The following LARGE1 variants were observed in gnomAD, a reference collection of about 807,000 sequenced individuals.
LARGE1 encodes the protein LARGE xylosyl- and glucuronyltransferase 1.
Under a neutral mutation model 87.6 loss-of-function variants are expected in LARGE1, and 43 were observed. The ratio of observed to expected loss-of-function variants is 0.49; its 90% CI spans 0.38 to 0.63. The LOEUF (loss-of-function observed/expected upper bound fraction) is 0.63. LARGE1 is among the 30% of genes least tolerant of loss of function. The pLI is 0.00. For missense variants in LARGE1, 802 were observed against 1,000.2 expected, an observed-to-expected ratio of 0.80 and a Z score of 2.67; for synonymous variants, 434 against 394.6, an observed-to-expected ratio of 1.10 and a Z score of -1.18.
chr22:33,922,169 G>T (rs1166334061), upstream of LARGE1, among the ~76,000 whole-genome samples: 1 of 151,702 alleles, frequency 6.6e-6, no homozygotes, highest in Non-Finnish European at 1.5e-5. Flanking sequence ...GCCCACCCTA[G>T]TTCTTGGAAG....
chr22:33,099,378 C>T, the LARGE1 span, among the ~76,000 whole-genome samples: 3 of 148,480 alleles, frequency 2.0e-5, no homozygotes, highest in Admixed American at 2.0e-4. Flanking sequence ...CTCAGCCTCC[C>T]AAGTAGCTGG....
At chr22:33,455,733 G>A (rs1381097916) in intron 6 of LARGE1, among the ~76,000 whole-genome samples, 8 of 128,230 alleles carry the variant, frequency 6.2e-5, no homozygotes, top group Admixed American at 4.7e-4. Flanking sequence ...CAGCCTAGGC[G>A]ACTGAGTGAA....
chr22:33,218,268 T>C (rs142968169), intron 11 of LARGE1, among the ~76,000 whole-genome samples: 1 of 152,334 alleles, frequency 6.6e-6, no homozygotes, highest in African/African-American at 2.4e-5. Context: ...ACTTCATTTT[T>C]CTGACATTTA....
chr22:33,774,100 GA>G (rs924837686), intron 1 of LARGE1, among the ~76,000 whole-genome samples: 33 of 151,736 alleles, frequency 2.2e-4, no homozygotes, highest in Non-Finnish European at 1.0e-4. Flanking sequence ...GGGGCGGATG[GA>G]AAAAAACTCC....
At chr22:33,721,977 C>T (rs1229679537) in intron 2 of LARGE1, among the ~76,000 whole-genome samples, 1 of 152,152 alleles carries the variant, frequency 6.6e-6, no homozygotes, top group East Asian at 1.9e-4. Flanking sequence ...GTTGGCTGAG[C>T]GCAGTGGCTC....
In LARGE1 at chr22:33,284,881, A is replaced by T. The variant is rs1478131921; in HGVS notation, c.1731-1533T>A. ...TGCACCACTGCGCCCGGCCAGCATGAGGCTTTTAATAAACACAGACTGGAT... is the reference window on the plus strand; with the variant it reads ...TGCACCACTGCGCCCGGCCAGCATGTGGCTTTTAATAAACACAGACTGGAT... On this transcript the variant is annotated intron_variant, in intron 12 of 14. Transcript: ENST00000397394. Among the ~76,000 whole-genome samples, 5 of 152,146 alleles carry T rather than the reference A, an allele frequency of 3.3e-5. No individual in the cohort carries two copies. The East Asian group carries it at 5.8e-4, about 18-fold the overall frequency.
At chr22:33,844,698 T>C (rs2063379551) in intron 1 of LARGE1, among the ~76,000 whole-genome samples, 1 of 151,818 alleles carries the variant, frequency 6.6e-6, no homozygotes, top group South Asian at 2.1e-4. Flanking sequence ...TCCTTGTTTA[T>C]AAAATAAGAG....
chr22:33,140,140 G>A, the LARGE1 span, among the ~76,000 whole-genome samples: 1 of 152,184 alleles, frequency 6.6e-6, no homozygotes, highest in Non-Finnish European at 1.5e-5. Context: ...ACTCTGGGCT[G>A]CCCTCTCCTG....
intron 2 of LARGE1, among the ~76,000 whole-genome samples, chr22:33,753,338 T>C (rs994335502): frequency 2.6e-5 from 4 of 152,062 alleles, no homozygotes; most frequent in Non-Finnish European, 5.9e-5. Context: ...GATTTGAAGA[T>C]GCCACACTGC....
At chr22:33,631,158 T>C (rs1602839388) in intron 3 of LARGE1, among the ~76,000 whole-genome samples, 5 of 45,914 alleles carry the variant, frequency 1.1e-4, no homozygotes, top group Admixed American at 5.4e-4. Flanking sequence ...CAGCCAACTG[T>C]CTATTTTTTT....
chr22:33,653,645 G>A (rs1371016850), intron 2 of LARGE1, among the ~76,000 whole-genome samples: 1 of 152,168 alleles, frequency 6.6e-6, no homozygotes, highest in Admixed American at 6.5e-5. Flanking sequence ...TACAGAGCAT[G>A]GTGTCCCTTA....
At chr22:33,405,164 A>T (rs1299057241) in intron 7 of LARGE1, among the ~76,000 whole-genome samples, 1 of 152,200 alleles carries the variant, frequency 6.6e-6, no homozygotes, top group Non-Finnish European at 1.5e-5. Context: ...ACATTGCATG[A>T]TTGCTACTGT....
intron 6 of LARGE1, among the ~76,000 whole-genome samples, chr22:33,484,343 A>G (rs1251749206): frequency 2.0e-5 from 3 of 152,214 alleles, no homozygotes; most frequent in African/African-American, 7.2e-5. Flanking sequence ...TCTAAAACCA[A>G]TGTCATCATG....
In LARGE1 at chr22:33,362,635, C is replaced by G. The variant is rs750839693; in HGVS notation, c.1131+19284G>C. ...AGCAAGAGTGAGCTGTGATTATTACCGAAGGTGTTTTTCTATCTTGTGTTT... is the reference window on the plus strand; with the variant it reads ...AGCAAGAGTGAGCTGTGATTATTACGGAAGGTGTTTTTCTATCTTGTGTTT... On this transcript the variant is annotated intron_variant, in intron 9 of 14. Coordinates refer to ENST00000397394, the MANE Select transcript of LARGE1 (RefSeq NM_133642.5). Among the ~76,000 whole-genome samples, 7 of 149,818 alleles carry G rather than the reference C, an allele frequency of 4.7e-5. 1 individual carries two copies. The highest frequency in any genetic ancestry group is 1.7e-4 in the African/African-American group (7 of 40,706).
At chr22:33,203,491 C>T (rs1447297878) in intron 11 of LARGE1, among the ~76,000 whole-genome samples, 1 of 152,104 alleles carries the variant, frequency 6.6e-6, no homozygotes, top group African/African-American at 2.4e-5. Flanking sequence ...TAGTCGATTC[C>T]CAGGTGTGCC....
chr22:33,481,130 C>T (rs1358312949), intron 6 of LARGE1, among the ~76,000 whole-genome samples: 2 of 137,568 alleles, frequency 1.5e-5, no homozygotes, highest in Non-Finnish European at 3.2e-5. Context: ...AATTGCCCTG[C>T]AAAAAAAAAA....
At chr22:33,189,463 TCA>T (rs145313652) in intron 11 of LARGE1, among the ~76,000 whole-genome samples, 6 of 151,676 alleles carry the variant, frequency 4.0e-5, no homozygotes, top group African/African-American at 1.2e-4. Flanking sequence ...GTTTCTTGAT[TCA>T]CACACACACA....
chr22:33,298,561 G>A (rs1202738208), intron 12 of LARGE1, among the ~76,000 whole-genome samples: 1 of 152,340 alleles, frequency 6.6e-6, no homozygotes, highest in South Asian at 2.1e-4. Context: ...GGTGGCTCAC[G>A]CCTGTAATCC....
intron 1 of LARGE1, among the ~76,000 whole-genome samples, chr22:33,874,385 G>A (rs1054237779): frequency 3.9e-5 from 6 of 152,140 alleles, no homozygotes; most frequent in Admixed American, 6.5e-5. Flanking sequence ...ATCAGCCGCC[G>A]CTTTGATCTG....
Sources: allele counts gnomAD v4.1 joint callset (sites outside exome capture counted in the v4.1 genomes callset), GRCh38; gene constraint gnomAD v4.1.1; transcripts MANE v1.5; gene names NCBI Gene and HGNC (gene_info 2026-07-23, HGNC 2026-07-21).